The following PPM1E variants were observed in gnomAD, a reference collection of about 807,000 sequenced individuals.
The protein encoded by PPM1E is protein phosphatase 1E.
In PPM1E, 20 loss-of-function variants were observed where a neutral mutation model predicts 65.9. That is an observed-to-expected ratio of 0.30 (90% CI 0.21 to 0.44). PPM1E has a LOEUF of 0.44. Among genes scored for constraint, PPM1E ranks in the 20% least tolerant of loss-of-function variants. PPM1E has a pLI of 1.00. For synonymous variants in PPM1E, 352 were observed against 374.9 expected (o/e 0.94, Z 0.70); for missense variants, 713 against 953.1 (o/e 0.75, Z 3.32).
rs1016824741 is a variant in PPM1E, at chr17:58,818,842, G to T, written c.464+62381G>T. ...TTGGTACATAATTAGTACTCAACACGTATTTGCTGAATAGCCAGGTGCAGT... is the reference window on the plus strand; with the variant it reads ...TTGGTACATAATTAGTACTCAACACTTATTTGCTGAATAGCCAGGTGCAGT... On this transcript the variant is annotated intron_variant, in intron 1 of 6. Transcript: ENST00000308249. 2.0e-5 allele frequency among the ~76,000 whole-genome samples: 3 copies of T among 152,156 alleles called. No homozygotes were observed. The East Asian group carries it at 5.8e-4, about 29-fold the overall frequency.
intron 1 of PPM1E, among the ~76,000 whole-genome samples, chr17:58,954,195 C>G (rs941698447): frequency 2.0e-5 from 3 of 152,202 alleles, no homozygotes; most frequent in Non-Finnish European, 4.4e-5. Flanking sequence ...ACTCAGACTT[C>G]TTTACTTTCT....
chr17:58,797,866 A>G (rs1008066014), intron 1 of PPM1E, among the ~76,000 whole-genome samples: 7 of 152,138 alleles, frequency 4.6e-5, no homozygotes, highest in Admixed American at 4.6e-4. Context: ...CCATCTCTTC[A>G]CCAATGTTTG....
intron 1 of PPM1E, among the ~76,000 whole-genome samples, chr17:58,866,227 G>T (rs930296443): frequency 6.6e-6 from 1 of 152,186 alleles, no homozygotes; most frequent in Non-Finnish European, 1.5e-5. Context: ...ATAGGTCAAA[G>T]AAAGCATGCA....
At chr17:58,977,211 C>T (rs2031056776) in intron 6 of PPM1E, among the ~76,000 whole-genome samples, 1 of 151,878 alleles carries the variant, frequency 6.6e-6, no homozygotes, top group South Asian at 2.1e-4. Context: ...TTGAGAAGCC[C>T]AGGTGGGTAG....
intron 1 of PPM1E, among the ~76,000 whole-genome samples, chr17:58,816,779 TATATATATA>T (rs2050426057): frequency 2.2e-4 from 3 of 13,446 alleles, no homozygotes; most frequent in South Asian, 3.3e-3. Context: ...TATATATATA[TATATATATA>T]TATATATTTT....
intron 1 of PPM1E, among the ~76,000 whole-genome samples, chr17:58,893,952 T>A (rs186398705): frequency 4.3e-4 from 65 of 152,128 alleles, no homozygotes; most frequent in Middle Eastern, 3.4e-3. Flanking sequence ...CAAACACCTG[T>A]AGTCCCAGCT....
intron 1 of PPM1E, among the ~76,000 whole-genome samples, chr17:58,909,732 A>T (rs964105966): frequency 6.6e-6 from 1 of 151,924 alleles, no homozygotes; most frequent in East Asian, 1.9e-4. Flanking sequence ...TCAAGATTTC[A>T]TTCTTTATCC....
chr17:58,936,214 C>T (rs1283298158), intron 1 of PPM1E, among the ~76,000 whole-genome samples: 2 of 152,092 alleles, frequency 1.3e-5, no homozygotes, highest in African/African-American at 4.8e-5. Context: ...AATTTTAATT[C>T]CATATAGTCC....
At chr17:58,776,518 C>T (rs2049996164) in intron 1 of PPM1E, among the ~76,000 whole-genome samples, 1 of 152,080 alleles carries the variant, frequency 6.6e-6, no homozygotes, top group African/African-American at 2.4e-5. Flanking sequence ...TAGTTTTTCT[C>T]TACAAAAATG....
At chr17:58,767,111 T>C (rs182485033) in intron 1 of PPM1E, among the ~76,000 whole-genome samples, 212 of 152,264 alleles carry the variant, frequency 1.4e-3, no homozygotes, top group Non-Finnish European at 2.4e-3. Flanking sequence ...AGGGTCAGCA[T>C]TGTCTACACC....
Position 58,797,052 on chromosome 17 carries a change from G to A in PPM1E, c.464+40591G>A, listed in dbSNP as rs534049859. ...GAACTCGTGAGGCAGAGGTTGCAGT[G>A]AGCTGAGATCACGCCACTTCACTCC... On this transcript the variant is annotated intron_variant, in intron 1 of 6. Coordinates refer to ENST00000308249, the MANE Select transcript of PPM1E (RefSeq NM_014906.5). 9.5e-4 allele frequency among the ~76,000 whole-genome samples: 145 copies of A among 152,238 alleles called. 1 individual carries two copies. Among genetic ancestry groups the A allele is most frequent in the Non-Finnish European group, 8.2e-4 (56 of 68,012 alleles).
At chr17:58,803,628 T>C (rs1306271235) in intron 1 of PPM1E, among the ~76,000 whole-genome samples, 1 of 152,236 alleles carries the variant, frequency 6.6e-6, no homozygotes, top group Non-Finnish European at 1.5e-5. Context: ...GTAGTACCTT[T>C]CCCTACTTCT....
intron 1 of PPM1E, among the ~76,000 whole-genome samples, chr17:58,837,320 A>G (rs1364800141): frequency 8.3e-6 from 1 of 120,242 alleles, no homozygotes; most frequent in African/African-American, 3.3e-5. Context: ...GAATGAGAAT[A>G]ACACACACAC....
chr17:58,848,532 A>G (rs1174618674), intron 1 of PPM1E, among the ~76,000 whole-genome samples: 6 of 152,142 alleles, frequency 3.9e-5, no homozygotes, highest in Non-Finnish European at 8.8e-5. Context: ...TGAGATAATC[A>G]TGTGGTTTTT....
chr17:58,878,589 G>T (rs898152361), intron 1 of PPM1E, among the ~76,000 whole-genome samples: 2 of 151,414 alleles, frequency 1.3e-5, no homozygotes, highest in African/African-American at 4.9e-5. Context: ...ATGAATTGGA[G>T]GATTCGTTTA....
chr17:58,762,796 G>A (rs557191124), intron 1 of PPM1E, among the ~76,000 whole-genome samples: 1 of 151,468 alleles, frequency 6.6e-6, no homozygotes, highest in African/African-American at 2.4e-5. Context: ...TACTTGGGAG[G>A]CTGAGGCAGG....
rs1382844640 is a variant in PPM1E, at chr17:58,806,868, T to TG, written c.464+50407_464+50408insG. Among the ~76,000 whole-genome samples the TG allele has an allele frequency of 1.9e-4, 10 of 52,960 alleles. No homozygotes were observed. In the East Asian group the frequency reaches 3.8e-3, roughly 20 times the overall value. The allele number at this position is 52,960 out of a possible 152,430, so 34.7% of individuals were successfully genotyped here. A position where few individuals can be genotyped will look rare whatever the true frequency, so the allele number is the denominator to read the frequency against. ...GTGCGTGCCACCACGCCCTGCTGTGTTTTTTTTTTTGTATTTTTAGTAGAT... is the reference window on the plus strand; with the variant it reads ...GTGCGTGCCACCACGCCCTGCTGTGTGTTTTTTTTTTGTATTTTTAGTAGAT... On this transcript the variant is annotated intron_variant, in intron 1 of 6. Transcript: ENST00000308249.
chr17:58,909,338 A>AC (rs2051596075), intron 1 of PPM1E, among the ~76,000 whole-genome samples: 1 of 151,994 alleles, frequency 6.6e-6, no homozygotes, highest in African/African-American at 2.4e-5. Context: ...GTTCACCATA[A>AC]CCTGAACTCC....
At chr17:58,974,376 G>A (rs879648872) in intron 6 of PPM1E, among the ~76,000 whole-genome samples, 18 of 152,136 alleles carry the variant, frequency 1.2e-4, no homozygotes, top group Non-Finnish European at 2.6e-4. Context: ...TAACCCTGGA[G>A]TTTCAAAGAA....
Sources: allele counts gnomAD v4.1 joint callset (sites outside exome capture counted in the v4.1 genomes callset), GRCh38; gene constraint gnomAD v4.1.1; transcripts MANE v1.5; gene names NCBI Gene and HGNC (gene_info 2026-07-23, HGNC 2026-07-21).